ADAMTS19: variants seen among roughly 807,000 people sequenced by gnomAD.
ADAMTS19 encodes the protein ADAM metallopeptidase with thrombospondin type 1 motif 19, also known as A disintegrin and metalloproteinase with thrombospondin motifs 19.
Under a neutral mutation model 153.3 loss-of-function variants are expected in ADAMTS19, and 93 were observed. The observed-to-expected ratio is 0.61, with a 90% CI of 0.51 to 0.72. ADAMTS19 has a LOEUF of 0.72. Among genes scored for constraint, ADAMTS19 ranks in the 30% least tolerant of loss-of-function variants. The probability of loss-of-function intolerance (pLI) is 0.00; values close to 1 mark genes in which losing one functional copy is unlikely to be tolerated. For synonymous variants in ADAMTS19, 600 were observed against 556.6 expected (o/e 1.08, Z -1.10); for missense variants, 1,482 against 1,552.1 (o/e 0.95, Z 0.76).
intron 19 of ADAMTS19, among the ~76,000 whole-genome samples, chr5:129,696,519 C>T (rs1254626201): frequency 2.0e-5 from 3 of 152,226 alleles, no homozygotes; most frequent in Non-Finnish European, 4.4e-5. Flanking sequence ...GTATCTGACA[C>T]AGGTCTCCAA....
chr5:129,604,434 C>T (rs1407643032), intron 8 of ADAMTS19, among the ~76,000 whole-genome samples: 1 of 152,154 alleles, frequency 6.6e-6, no homozygotes, highest in Non-Finnish European at 1.5e-5. Context: ...ATTTTAGTGG[C>T]ACCACCTCCT....
intron 16 of ADAMTS19, among the ~76,000 whole-genome samples, chr5:129,672,926 G>T (rs183339528): frequency 1.1e-4 from 16 of 151,802 alleles, no homozygotes; most frequent in African/African-American, 3.6e-4. Flanking sequence ...GTCAATTTTG[G>T]TAACTGTTAT....
At chr5:129,653,724 T>C (rs1055367117) in intron 13 of ADAMTS19, among the ~76,000 whole-genome samples, 2 of 152,214 alleles carry the variant, frequency 1.3e-5, no homozygotes, top group Admixed American at 1.3e-4. Context: ...TTTTTACAAA[T>C]GCAATTCTTA....
intron 21 of ADAMTS19, among the ~76,000 whole-genome samples, chr5:129,732,259 C>G (rs559700036): frequency 6.6e-5 from 10 of 152,092 alleles, no homozygotes; most frequent in Admixed American, 5.2e-4. Context: ...TGCATTTCCC[C>G]AAAACTGGAA....
chr5:129,461,071 A>AGCCCCGCACTTCTGTCT lies in ADAMTS19; in HGVS notation c.92-23_92-7dup. Reference sequence around the variant, plus strand: ...GTGCTACTGGAACCGCGGCACTTTAAGCCCCGCACTTCTGTCTGCCCCGCC... The same window carrying AGCCCCGCACTTCTGTCT: ...GTGCTACTGGAACCGCGGCACTTTAAGCCCCGCACTTCTGTCTGCCCCGCACTTCTGTCTGCCCCGCC... On this transcript the variant is annotated intron_variant, in intron 1 of 22. Transcript: ENST00000274487. This position sits in a 1 kb window ranked among gnomAD's most constrained non-coding sequence, Gnocchi z 4.6. 1 of 1,348,736 alleles carries AGCCCCGCACTTCTGTCT rather than the reference A, an allele frequency of 7.4e-7. No individual in the cohort carries two copies. The highest frequency in any genetic ancestry group is 9.5e-7 in the Non-Finnish European group (1 of 1,054,756). 83.5% of individuals were successfully genotyped at this position (1,348,736 alleles called of 1,614,324 possible).
chr5:129,480,609 T>C (rs946756558), intron 2 of ADAMTS19, among the ~76,000 whole-genome samples: 1 of 152,084 alleles, frequency 6.6e-6, no homozygotes, highest in African/African-American at 2.4e-5. Context: ...CTAAAGAAGA[T>C]ACCAGATGGA....
At chr5:129,481,115 TAG>T (rs1750392734) in intron 2 of ADAMTS19, among the ~76,000 whole-genome samples, 1 of 152,190 alleles carries the variant, frequency 6.6e-6, no homozygotes, top group African/African-American at 2.4e-5. Flanking sequence ...TACCTGAGAC[TAG>T]TTAATTTATA....
chr5:129,482,860 T>C (rs1750460694), intron 2 of ADAMTS19, among the ~76,000 whole-genome samples: 1 of 152,194 alleles, frequency 6.6e-6, no homozygotes, highest in East Asian at 1.9e-4. Context: ...GTTGAGAGTT[T>C]CTAAATGAAT....
At chr5:129,660,221 C>G (rs1444466384) in intron 15 of ADAMTS19, among the ~76,000 whole-genome samples, 3 of 152,040 alleles carry the variant, frequency 2.0e-5, no homozygotes, top group Non-Finnish European at 4.4e-5. Flanking sequence ...TCTTAGTCTT[C>G]AAAGTGGTAA....
At chr5:129,636,223 T>C (rs1038755471) in intron 10 of ADAMTS19, among the ~76,000 whole-genome samples, 3 of 152,162 alleles carry the variant, frequency 2.0e-5, no homozygotes, top group Admixed American at 1.3e-4. Flanking sequence ...ACAAAAAGTA[T>C]GTTGCCTTGG....
chr5:129,658,569 A>T, intron 14 of ADAMTS19, 48 bp from the exon 15 acceptor site: 1 of 1,581,550 alleles, frequency 6.3e-7, no homozygotes. Flanking sequence ...TAGTAAAACA[A>T]GAAAAGAATA....
intron 19 of ADAMTS19, among the ~76,000 whole-genome samples, chr5:129,700,288 G>A (rs1755772470): frequency 6.6e-6 from 1 of 152,188 alleles, no homozygotes; most frequent in South Asian, 2.1e-4. Flanking sequence ...CTGAGAGCCT[G>A]TAAAATGGAG....
At chr5:129,590,994 A>G (rs1437082354) in intron 7 of ADAMTS19, among the ~76,000 whole-genome samples, 1 of 152,156 alleles carries the variant, frequency 6.6e-6, no homozygotes, top group Non-Finnish European at 1.5e-5. Flanking sequence ...TGATGCGGAG[A>G]TGTGCTACAT....
At chr5:129,704,132 G>GA (rs1756034664) in intron 20 of ADAMTS19, 107 bp from the exon 21 acceptor site, 1 of 1,139,162 alleles carries the variant, frequency 8.8e-7, no homozygotes, top group African/African-American at 1.6e-5. Flanking sequence ...TGGCTTTTAT[G>GA]GGTGATGGGC....
chr5:129,521,812 A>G (rs1410452877), intron 3 of ADAMTS19, among the ~76,000 whole-genome samples: 2 of 152,174 alleles, frequency 1.3e-5, no homozygotes, highest in South Asian at 2.1e-4. Context: ...TTCTGGGTGC[A>G]TAGCCACACA....
At chr5:129,687,635 T>A (rs1755152640) in intron 18 of ADAMTS19, among the ~76,000 whole-genome samples, 1 of 152,180 alleles carries the variant, frequency 6.6e-6, no homozygotes, top group East Asian at 1.9e-4. Context: ...ATGAGAAAAT[T>A]GAAGGGCTTA....
chr5:129,675,148 CT>C (rs1384590706), intron 16 of ADAMTS19, among the ~76,000 whole-genome samples: 1 of 152,098 alleles, frequency 6.6e-6, no homozygotes, highest in African/African-American at 2.4e-5. Flanking sequence ...TTTTAACGTG[CT>C]TTTTTCTCTC....
At chr5:129,552,405 A>G (rs1753155539) in intron 7 of ADAMTS19, among the ~76,000 whole-genome samples, 1 of 151,904 alleles carries the variant, frequency 6.6e-6, no homozygotes, top group African/African-American at 2.4e-5. Flanking sequence ...AGAACCAGAT[A>G]GCCAACAGAA....
intron 6 of ADAMTS19, among the ~76,000 whole-genome samples, chr5:129,547,198 G>T (rs1011935350): frequency 6.6e-6 from 1 of 150,650 alleles, no homozygotes; most frequent in Non-Finnish European, 1.5e-5. Flanking sequence ...GAGGATGGAA[G>T]CAGGGGGCAG....
Sources: allele counts gnomAD v4.1 joint callset (sites outside exome capture counted in the v4.1 genomes callset), GRCh38; gene constraint gnomAD v4.1.1; non-coding constraint Gnocchi (gnomAD v3.1); transcripts MANE v1.5; gene names NCBI Gene and HGNC (gene_info 2026-07-23, HGNC 2026-07-21).